CSMD1: variants seen among roughly 807,000 people sequenced by gnomAD.
CSMD1 encodes CUB and sushi domain-containing protein 1.
Under a neutral mutation model 417.5 loss-of-function variants are expected in CSMD1, and 213 were observed. That is an observed-to-expected ratio of 0.51 (90% CI 0.46 to 0.57). The LOEUF (loss-of-function observed/expected upper bound fraction) is 0.57. Ranked by LOEUF, CSMD1 falls within the 20% of genes least tolerant of loss-of-function variation. CSMD1 has a pLI of 0.00. For synonymous variants in CSMD1, 2,862 were observed against 1,736.8 expected (o/e 1.65, Z -16.11); for missense variants, 6,923 against 4,529.7 (o/e 1.53, Z -15.17).
At chr8:3,816,399 A>G (rs936567049) in intron 5 of CSMD1, among the ~76,000 whole-genome samples, 1 of 152,200 alleles carries the variant, frequency 6.6e-6, no homozygotes, top group Non-Finnish European at 1.5e-5. Context: ...ATGGAGAAGC[A>G]GACCACATTC....
In CSMD1 at chr8:3,951,724, C is replaced by T. The variant is rs538182596; in HGVS notation, c.818+46179G>A. On this transcript the variant is annotated intron_variant, in intron 5 of 69. Transcript: ENST00000635120. ...TAAAATGAGACTTCATGGGTATTAA[C>T]AACATGGGGGGCATTAAAACGTAAT... Among the ~76,000 whole-genome samples, 101 of 152,078 alleles carry T rather than the reference C, an allele frequency of 6.6e-4. 1 individual carries two copies. The Middle Eastern group carries it at 0.01, about 15-fold the overall frequency.
chr8:4,038,164 G>C (rs952707980), intron 3 of CSMD1, among the ~76,000 whole-genome samples: 3 of 152,040 alleles, frequency 2.0e-5, no homozygotes, highest in African/African-American at 7.2e-5. Context: ...ATAAATTTAT[G>C]ATTTAGGGAT....
intron 5 of CSMD1, among the ~76,000 whole-genome samples, chr8:3,922,716 T>A (rs938550294): frequency 6.6e-6 from 1 of 152,206 alleles, no homozygotes; most frequent in African/African-American, 2.4e-5. Context: ...ACTATCTACA[T>A]CTTTTTTATA....
At chr8:3,502,135 C>G (rs139149408) in intron 10 of CSMD1, among the ~76,000 whole-genome samples, 12 of 152,014 alleles carry the variant, frequency 7.9e-5, no homozygotes, top group Admixed American at 6.5e-5. Flanking sequence ...AAGGCTGAGG[C>G]TGGCAGATCA....
At chr8:3,096,734 G>T in intron 47 of CSMD1, 115 bp downstream of exon 47, 2 of 760,820 alleles carry the variant, frequency 2.6e-6, no homozygotes, top group Non-Finnish European at 2.1e-6. Context: ...TTTGCTTTGG[G>T]AAAACATAAG....
At chr8:3,986,015 C>T (rs75785780) in intron 5 of CSMD1, among the ~76,000 whole-genome samples, 8,435 of 152,062 alleles carry the variant, frequency 0.055, 319 homozygotes, top group Non-Finnish European at 0.079. Context: ...CACTCCCCTG[C>T]TTCTCTTTGC....
At chr8:3,658,097 G>C (rs10105578) in intron 7 of CSMD1, among the ~76,000 whole-genome samples, 3 of 151,902 alleles carry the variant, frequency 2.0e-5, no homozygotes, top group African/African-American at 4.8e-5. Flanking sequence ...CACAATGCTA[G>C]CAACATTATT....
chr8:3,547,706 C>A (rs1798733709), intron 10 of CSMD1, among the ~76,000 whole-genome samples: 1 of 151,984 alleles, frequency 6.6e-6, no homozygotes, highest in Non-Finnish European at 1.5e-5. Flanking sequence ...CTAAGCCTAC[C>A]TATATGAAAA....
At chr8:4,392,781 A>G (rs1375462166) in intron 3 of CSMD1, among the ~76,000 whole-genome samples, 10 of 151,744 alleles carry the variant, frequency 6.6e-5, no homozygotes, top group African/African-American at 2.2e-4. Context: ...CATCCTGGCC[A>G]ACATGGTGAA....
chr8:4,515,702 T>C (rs943184004), intron 2 of CSMD1, among the ~76,000 whole-genome samples: 3 of 152,130 alleles, frequency 2.0e-5, no homozygotes, highest in Non-Finnish European at 2.9e-5. Flanking sequence ...TGTCCTGCAG[T>C]GCTGGGGTGA....
At chr8:3,476,908 G>C (rs78054944) in intron 11 of CSMD1, among the ~76,000 whole-genome samples, 1 of 136,252 alleles carries the variant, frequency 7.3e-6, no homozygotes, top group Admixed American at 7.9e-5. Context: ...GCGAAACTCC[G>C]CCTCAAAAAA....
chr8:4,386,829 G>C (rs975643624), intron 3 of CSMD1, among the ~76,000 whole-genome samples: 1 of 152,184 alleles, frequency 6.6e-6, no homozygotes, highest in African/African-American at 2.4e-5. Flanking sequence ...TTAATGTAAA[G>C]CGGAAATAAG....
intron 26 of CSMD1, among the ~76,000 whole-genome samples, chr8:3,233,646 A>C (rs1214474730): frequency 6.6e-6 from 1 of 152,034 alleles, no homozygotes; most frequent in Non-Finnish European, 1.5e-5. Context: ...TCCTATTCAT[A>C]TTTTTATTCT....
chr8:4,712,628 G>A (rs1207268466), intron 1 of CSMD1, among the ~76,000 whole-genome samples: 1 of 152,192 alleles, frequency 6.6e-6, no homozygotes, highest in Non-Finnish European at 1.5e-5. Context: ...TATTTTTGAT[G>A]AGATTTGCAG....
chr8:4,660,202 T>G (rs1804504238), intron 1 of CSMD1, among the ~76,000 whole-genome samples: 1 of 151,962 alleles, frequency 6.6e-6, no homozygotes, highest in Admixed American at 6.6e-5. Context: ...GACATAATGT[T>G]CTTTGTAGAA....
intron 23 of CSMD1, among the ~76,000 whole-genome samples, chr8:3,342,208 AT>A (rs1807703197): frequency 6.6e-6 from 1 of 152,276 alleles, no homozygotes; most frequent in African/African-American, 2.4e-5. Flanking sequence ...AAGTCTTACA[AT>A]TCTTCACCTG....
At chr8:3,451,431 G>T (rs534288237) in intron 12 of CSMD1, among the ~76,000 whole-genome samples, 1 of 152,160 alleles carries the variant, frequency 6.6e-6, no homozygotes, top group South Asian at 2.1e-4. Flanking sequence ...TGTTCTTCTA[G>T]GGTTTTTATG....
chr8:4,191,050 G>C (rs546093941), intron 3 of CSMD1, among the ~76,000 whole-genome samples: 145 of 152,046 alleles, frequency 9.5e-4, no homozygotes, highest in African/African-American at 3.3e-3. Flanking sequence ...CATGACACCA[G>C]TTTACCTATG....
intron 5 of CSMD1, among the ~76,000 whole-genome samples, chr8:3,928,334 G>C (rs1004572227): frequency 1.3e-5 from 2 of 152,024 alleles, no homozygotes; most frequent in Admixed American, 6.6e-5. Context: ...TGCCAGGACT[G>C]AGTGGTAAAC....
Sources: allele counts gnomAD v4.1 joint callset (sites outside exome capture counted in the v4.1 genomes callset), GRCh38; gene constraint gnomAD v4.1.1; transcripts MANE v1.5; gene names NCBI Gene and HGNC (gene_info 2026-07-23, HGNC 2026-07-21).